The following PARM1 variants were observed in gnomAD, a reference collection of about 807,000 sequenced individuals.
PARM1 encodes WSC4, cell wall integrity and stress response component 4 homolog.
A neutral mutation model predicts 24.6 loss-of-function variants in PARM1; 14 were observed. That is an observed-to-expected ratio of 0.57 (90% CI 0.38 to 0.89). The LOEUF (loss-of-function observed/expected upper bound fraction) is 0.89, where lower values mean the gene tolerates loss of function less well. Ranked by LOEUF, PARM1 falls within the 40% of genes least tolerant of loss-of-function variation. The pLI, the probability that PARM1 is intolerant of heterozygous loss-of-function variation, is 0.00. For missense variants in PARM1, 362 were observed against 380.4 expected (o/e 0.95, Z 0.40); for synonymous variants, 179 against 156.6 (o/e 1.14, Z -1.07).
At chr4:74,990,432 G>A (rs936551821) in intron 1 of PARM1, among the ~76,000 whole-genome samples, 1 of 152,140 alleles carries the variant, frequency 6.6e-6, no homozygotes, top group African/African-American at 2.4e-5. Flanking sequence ...AATGTAAATA[G>A]GGATTAGTGA....
intron 2 of PARM1, among the ~76,000 whole-genome samples, chr4:75,029,535 A>C (rs1312118766): frequency 6.6e-6 from 1 of 152,172 alleles, no homozygotes; most frequent in Non-Finnish European, 1.5e-5. Flanking sequence ...CATGTAAGAC[A>C]TGCCTTTCAC....
chr4:75,007,220 A>G (rs1265369723), intron 1 of PARM1, among the ~76,000 whole-genome samples: 1 of 152,214 alleles, frequency 6.6e-6, no homozygotes, highest in Non-Finnish European at 1.5e-5. Context: ...AAAAGTCAGG[A>G]AACAACAGGT....
rs574840415 is a variant in PARM1 at position 74,933,469 on chromosome 4, C to T, written c.43+99C>T. On this transcript the variant is annotated intron_variant, in intron 1 of 3. Transcript: ENST00000307428. Reference sequence around the variant, plus strand: ...AGCTAGGAGATCCGGCAGTGAGTCGCCGCGCGCCTCCGGGTGAGTGCGCAG... The same window carrying T: ...AGCTAGGAGATCCGGCAGTGAGTCGTCGCGCGCCTCCGGGTGAGTGCGCAG... 6.3e-4 allele frequency: 632 copies of T among 1,008,902 alleles called. 2 individuals carry two copies. The highest frequency in any genetic ancestry group is 8.3e-4 in the Non-Finnish European group (533 of 640,112). 62.5% of individuals were successfully genotyped at this position (1,008,902 alleles called of 1,614,324 possible).
chr4:75,023,326 T>A (rs73828410), intron 2 of PARM1, among the ~76,000 whole-genome samples: 1 of 152,214 alleles, frequency 6.6e-6, no homozygotes, highest in African/African-American at 2.4e-5. Flanking sequence ...ATGATGAGGG[T>A]AATTATAGTA....
At chr4:74,989,032 T>C (rs1341845707) in intron 1 of PARM1, among the ~76,000 whole-genome samples, 1 of 152,162 alleles carries the variant, frequency 6.6e-6, no homozygotes, top group Non-Finnish European at 1.5e-5. Flanking sequence ...TTTGAGGGCG[T>C]CCAAGGATAG....
rs367562335 is a variant in PARM1, at chr4:74,947,582, A to G, written c.43+14212A>G. Reference sequence around the variant, plus strand: ...TTAAGGTATTGTTAATATTTTCAATATGATAATAATATAACCCTTATGTTT... The same window carrying G: ...TTAAGGTATTGTTAATATTTTCAATGTGATAATAATATAACCCTTATGTTT... On this transcript the variant is annotated intron_variant, in intron 1 of 3. Transcript: ENST00000307428. Among the ~76,000 whole-genome samples, 142 of 152,346 alleles carry G rather than the reference A, an allele frequency of 9.3e-4. 1 individual carries two copies. Among genetic ancestry groups the G allele is most frequent in the African/African-American group, 2.8e-3 (117 of 41,594 alleles).
chr4:75,024,549 G>A (rs1723148382), intron 2 of PARM1, among the ~76,000 whole-genome samples: 2 of 152,164 alleles, frequency 1.3e-5, no homozygotes, highest in Non-Finnish European at 2.9e-5. Flanking sequence ...TATGTCCTCT[G>A]AACCAAGAAA....
At chr4:74,971,723 A>G (rs1560779752) in intron 1 of PARM1, among the ~76,000 whole-genome samples, 1 of 152,162 alleles carries the variant, frequency 6.6e-6, no homozygotes, top group African/African-American at 2.4e-5. Context: ...GCTTTGCTGA[A>G]TTGCACACTC....
At chr4:74,999,482 T>C (rs142225880) in intron 1 of PARM1, among the ~76,000 whole-genome samples, 1 of 152,258 alleles carries the variant, frequency 6.6e-6, no homozygotes, top group African/African-American at 2.4e-5. Context: ...CCATGAGGTG[T>C]AAATAGGACC....
chr4:75,037,096 T>C (rs1464022065), intron 3 of PARM1, among the ~76,000 whole-genome samples: 1 of 152,224 alleles, frequency 6.6e-6, no homozygotes, highest in East Asian at 1.9e-4. Context: ...GCCCCATTAA[T>C]CGTTCATCAA....
chr4:74,982,870 G>T (rs1443887594), intron 1 of PARM1, among the ~76,000 whole-genome samples: 1 of 152,178 alleles, frequency 6.6e-6, no homozygotes, highest in Admixed American at 6.5e-5. Context: ...CACTCCTTCA[G>T]TCAATCAGCT....
At chr4:75,033,254 A>T (rs1723304687) in intron 2 of PARM1, among the ~76,000 whole-genome samples, 1 of 152,212 alleles carries the variant, frequency 6.6e-6, no homozygotes, top group Non-Finnish European at 1.5e-5. Flanking sequence ...CTATAAAACC[A>T]AGTTTACTAT....
chr4:74,998,147 A>G (rs1323482382), intron 1 of PARM1, among the ~76,000 whole-genome samples: 1 of 152,212 alleles, frequency 6.6e-6, no homozygotes, highest in Non-Finnish European at 1.5e-5. Context: ...CATTGCAAAC[A>G]CTGTCTTTAG....
intron 1 of PARM1, among the ~76,000 whole-genome samples, chr4:75,011,530 C>A (rs1722870505): frequency 6.6e-6 from 1 of 152,106 alleles, no homozygotes; most frequent in Non-Finnish European, 1.5e-5. Context: ...AAAGTGAAAC[C>A]AGGAACCCCA....
chr4:75,031,206 C>T (rs199880066), intron 2 of PARM1, among the ~76,000 whole-genome samples: 1 of 152,192 alleles, frequency 6.6e-6, no homozygotes, highest in East Asian at 1.9e-4. Flanking sequence ...GTTCCCATGG[C>T]TGGCATCCAC....
chr4:75,001,792 C>A (rs139006656), intron 1 of PARM1, among the ~76,000 whole-genome samples: 1 of 152,124 alleles, frequency 6.6e-6, no homozygotes, highest in African/African-American at 2.4e-5. Context: ...CCCTGGTTTC[C>A]TCTCCCCCAT....
chr4:75,030,436 T>A (rs1295300165), intron 2 of PARM1, among the ~76,000 whole-genome samples: 1 of 152,168 alleles, frequency 6.6e-6, no homozygotes, highest in Non-Finnish European at 1.5e-5. Flanking sequence ...ATGGTAGCTA[T>A]GGTTATTCTT....
rs578062419 is a variant in PARM1, at chr4:75,015,695, C to T, written c.769+2545C>T. On this transcript the variant is annotated intron_variant, in intron 2 of 3. Transcript: ENST00000307428. ...GATCTTTGGGATGATGTGATAGAACCTGTTCACTTCAAAGGTGAAGAAACT... is the reference window on the plus strand; with the variant it reads ...GATCTTTGGGATGATGTGATAGAACTTGTTCACTTCAAAGGTGAAGAAACT... Among the ~76,000 whole-genome samples, 127 of 152,234 alleles carry T rather than the reference C, an allele frequency of 8.3e-4. 1 individual carries two copies. The highest frequency in any genetic ancestry group is 1.7e-3 in the Non-Finnish European group (119 of 68,010).
chr4:74,957,623 G>A (rs1031025241), intron 1 of PARM1, among the ~76,000 whole-genome samples: 1 of 152,112 alleles, frequency 6.6e-6, no homozygotes, highest in African/African-American at 2.4e-5. Flanking sequence ...CAATATAGAG[G>A]TGCCTATATG....
Sources: gnomAD v4.1 joint callset for allele counts (sites outside exome capture counted in the v4.1 genomes callset) on GRCh38, gnomAD v4.1.1 for gene constraint, MANE v1.5 for transcripts, NCBI Gene and HGNC (gene_info 2026-07-23, HGNC 2026-07-21) for gene names.